NRG1: variants seen among roughly 807,000 people sequenced by gnomAD.
NRG1 encodes the protein pro-neuregulin-1, membrane-bound isoform.
A neutral mutation model predicts 63.8 loss-of-function variants in NRG1; 18 were observed. The ratio of observed to expected loss-of-function variants is 0.28; its 90% confidence interval spans 0.19 to 0.42. The LOEUF is 0.42. Among genes scored for constraint, NRG1 ranks in the 10% least tolerant of loss-of-function variants. NRG1 has a pLI of 1.00. For synonymous variants in NRG1, 302 were observed against 301.3 expected (o/e 1.00, Z -0.02); for missense variants, 762 against 814.7 (o/e 0.94, Z 0.79).
At chr8:32,715,921 C>T (rs1254826449) in intron 5 of NRG1, among the ~76,000 whole-genome samples, 1 of 152,172 alleles carries the variant, frequency 6.6e-6, no homozygotes, top group Non-Finnish European at 1.5e-5. Flanking sequence ...GGATTACAGG[C>T]GTGAGCCATC....
At chr8:31,843,334 G>T (rs1016889878) in intron 1 of NRG1, among the ~76,000 whole-genome samples, 1 of 152,166 alleles carries the variant, frequency 6.6e-6, no homozygotes, top group African/African-American at 2.4e-5. Flanking sequence ...GGGGTGGTTT[G>T]CTCTTTCTCT....
chr8:32,254,442 T>C lies in NRG1; in HGVS notation c.38-341386T>C, dbSNP rs539524049. Among the ~76,000 whole-genome samples the C allele has an allele frequency of 3.0e-4, 46 of 152,330 alleles. 1 individual carries two copies. The South Asian group carries it at 9.5e-3, about 32-fold the overall frequency. On this transcript the variant is annotated intron_variant, in intron 1 of 10. Coordinates refer to the NRG1 transcript ENST00000519301. ...TGCCTTCATTTCATTATTTACCCAG[T>C]AGTCATTCAGGAGCAGGTTGTTCAG...
chr8:32,636,126 A>T (rs1157689940), intron 5 of NRG1, among the ~76,000 whole-genome samples: 1 of 152,026 alleles, frequency 6.6e-6, no homozygotes, highest in Non-Finnish European at 1.5e-5. Context: ...ACTTCTAAAG[A>T]CTTATGTTTT....
chr8:31,953,997 AC>A (rs1803926378), intron 1 of NRG1, among the ~76,000 whole-genome samples: 1 of 152,226 alleles, frequency 6.6e-6, no homozygotes, highest in African/African-American at 2.4e-5. Context: ...TAAATGTTAA[AC>A]TACTGTCTGT....
rs1048552765 is a variant in NRG1, at chr8:32,750,038, A to C, written c.692-4334A>C. ...AGGATTTTTGGCATACAATGTAAAAATCATCTATTTAATATAAGCAATGTA... is the reference window on the plus strand; with the variant it reads ...AGGATTTTTGGCATACAATGTAAAACTCATCTATTTAATATAAGCAATGTA... On this transcript the variant is annotated intron_variant, in intron 7 of 11. Transcript: ENST00000356819. 5 of 170,862 alleles carry C rather than the reference A, an allele frequency of 2.9e-5. No individual in the cohort carries two copies. The South Asian group carries it at 6.8e-4, about 23-fold the overall frequency. The allele number at this position is 170,862 out of a possible 1,614,324, so 10.6% of individuals were successfully genotyped here.
chr8:31,843,183 T>C (rs1011324345), intron 1 of NRG1, among the ~76,000 whole-genome samples: 10 of 152,138 alleles, frequency 6.6e-5, no homozygotes, highest in African/African-American at 2.2e-4. Context: ...TCCCATTAAT[T>C]TTCATATACG....
intron 1 of NRG1, among the ~76,000 whole-genome samples, chr8:32,551,003 T>C (rs13258540): frequency 0.062 from 9,443 of 152,298 alleles, 383 homozygotes; most frequent in Non-Finnish European, 0.094. Context: ...TCAGAAAGAA[T>C]GGTCAACAAC....
intron 1 of NRG1, among the ~76,000 whole-genome samples, chr8:31,754,777 C>T (rs1251533033): frequency 6.6e-6 from 1 of 152,000 alleles, no homozygotes; most frequent in Non-Finnish European, 1.5e-5. Flanking sequence ...ACAACTGCTC[C>T]TATCTATTCA....
chr8:32,224,403 T>C lies in NRG1; in HGVS notation c.38-371425T>C, dbSNP rs181152516. ...CTGAATGCCTAGGAGTCTCACTGAC[T>C]ACCTGTCTGAAGAGCTCCTTCTTCT... On this transcript the variant is annotated intron_variant, in intron 1 of 10. Coordinates refer to the NRG1 transcript ENST00000519301. 4.7e-3 allele frequency among the ~76,000 whole-genome samples: 714 copies of C among 152,302 alleles called. 4 individuals are homozygous for C. Among genetic ancestry groups the C allele is most frequent in the South Asian group, 6.2e-3 (30 of 4,830 alleles).
chr8:32,087,482 C>CTTTTTTTTT (rs67438409), intron 1 of NRG1, among the ~76,000 whole-genome samples: 1,935 of 90,164 alleles, frequency 0.021, 120 homozygotes, highest in Non-Finnish European at 0.03. Flanking sequence ...TCTTTTCTTT[C>CTTTTTTTTT]TTTTTTTTTT....
chr8:32,435,062 C>T (rs1219997776), intron 1 of NRG1, among the ~76,000 whole-genome samples: 1 of 152,052 alleles, frequency 6.6e-6, no homozygotes, highest in Non-Finnish European at 1.5e-5. Flanking sequence ...TTAACAGTGG[C>T]CTTCTGGAGA....
intron 1 of NRG1, among the ~76,000 whole-genome samples, chr8:32,534,544 A>C (rs1036425785): frequency 1.2e-4 from 19 of 152,312 alleles, no homozygotes; most frequent in African/African-American, 4.3e-4. Context: ...AAAACATGGA[A>C]AGTGTGATTG....
chr8:32,344,437 G>C (rs1024557864), intron 1 of NRG1, among the ~76,000 whole-genome samples: 5 of 115,840 alleles, frequency 4.3e-5, no homozygotes, highest in Admixed American at 4.2e-4. Context: ...GTGTGTGTGT[G>C]TGTGTGTGTG....
chr8:31,787,307 A>G (rs1168079010), intron 1 of NRG1, among the ~76,000 whole-genome samples: 1 of 152,216 alleles, frequency 6.6e-6, no homozygotes, highest in East Asian at 1.9e-4. Flanking sequence ...ATCACTTATT[A>G]CAGCCAAATG....
intron 1 of NRG1, among the ~76,000 whole-genome samples, chr8:32,284,266 T>C (rs748559380): frequency 5.9e-5 from 9 of 152,132 alleles, no homozygotes; most frequent in African/African-American, 1.2e-4. Context: ...TTGACCTGCC[T>C]TGAGTAGAAA....
chr8:32,672,166 T>C (rs1805850849), intron 5 of NRG1, among the ~76,000 whole-genome samples: 1 of 152,048 alleles, frequency 6.6e-6, no homozygotes, highest in South Asian at 2.1e-4. Context: ...TGCCTCAGCC[T>C]CCCAAGTAGC....
At chr8:31,831,122 G>A (rs1438532211) in intron 1 of NRG1, among the ~76,000 whole-genome samples, 1 of 149,254 alleles carries the variant, frequency 6.7e-6, no homozygotes, top group African/African-American at 2.5e-5. Context: ...TTTTTTTTGA[G>A]ACAGAGTCTC....
intron 1 of NRG1, among the ~76,000 whole-genome samples, chr8:31,851,714 C>T (rs918746474): frequency 6.6e-6 from 1 of 150,392 alleles, no homozygotes; most frequent in African/African-American, 2.4e-5. Context: ...CCCACTAACT[C>T]GTCATCTAGC....
chr8:32,364,559 T>C (rs1457266362), intron 1 of NRG1, among the ~76,000 whole-genome samples: 1 of 152,196 alleles, frequency 6.6e-6, no homozygotes, highest in Non-Finnish European at 1.5e-5. Context: ...GCACTGTAAT[T>C]TATGATATTG....
Sources: allele counts gnomAD v4.1 joint callset (sites outside exome capture counted in the v4.1 genomes callset), GRCh38; gene constraint gnomAD v4.1.1; transcripts MANE v1.5; gene names NCBI Gene and HGNC (gene_info 2026-07-23, HGNC 2026-07-21).